The following RNF145 variants were observed in gnomAD, a reference collection of about 807,000 sequenced individuals.
RNF145 encodes the protein ring finger protein 145.
A neutral mutation model predicts 57.3 loss-of-function variants in RNF145; 12 were observed. The observed-to-expected ratio is 0.21, with a 90% CI of 0.13 to 0.34. The LOEUF (loss-of-function observed/expected upper bound fraction) is 0.34. RNF145 is among the 10% of genes least tolerant of loss of function. The pLI is 1.00. For missense variants in RNF145, 429 were observed against 799.0 expected, an observed-to-expected ratio of 0.54 and a Z score of 5.58; for synonymous variants, 262 against 288.3, an observed-to-expected ratio of 0.91 and a Z score of 0.92.
chr5:159,194,073 A>G (rs145679884), intron 3 of RNF145, among the ~76,000 whole-genome samples: 1 of 152,374 alleles, frequency 6.6e-6, no homozygotes, highest in East Asian at 1.9e-4. Flanking sequence ...ACTTAGGTAC[A>G]CAGACAATAT....
At chr5:159,174,946 A>G (rs1248077495) in intron 5 of RNF145, among the ~76,000 whole-genome samples, 4 of 152,226 alleles carry the variant, frequency 2.6e-5, no homozygotes, top group Middle Eastern at 3.2e-3. Flanking sequence ...GTCAGGGACC[A>G]GACCCTGGTG....
chr5:159,168,775 C>T, intron 8 of RNF145, 98 bp downstream of exon 8: 2 of 711,910 alleles, frequency 2.8e-6, no homozygotes, highest in Non-Finnish European at 4.2e-6. Context: ...TACCCATATC[C>T]ATTTTCTGTC....
chr5:159,189,998 C>G (rs1379442202), intron 3 of RNF145, among the ~76,000 whole-genome samples: 1 of 152,160 alleles, frequency 6.6e-6, no homozygotes, highest in African/African-American at 2.4e-5. Context: ...TGATGATGTT[C>G]TGCACAACTC....
intron 2 of RNF145, among the ~76,000 whole-genome samples, chr5:159,201,351 G>A (rs1290105182): frequency 6.6e-6 from 1 of 152,026 alleles, no homozygotes; most frequent in Non-Finnish European, 1.5e-5. Flanking sequence ...TTAGCCCCAG[G>A]TTATATTTGT....
chr5:159,188,026 T>G (rs1160770445), intron 3 of RNF145, among the ~76,000 whole-genome samples: 1 of 152,152 alleles, frequency 6.6e-6, no homozygotes, highest in Non-Finnish European at 1.5e-5. Context: ...GGGCTCTTAA[T>G]TCAAGTCACA....
At chr5:159,164,019 AAGTAAAGCATCTC>A (rs1784316599) in intron 8 of RNF145, among the ~76,000 whole-genome samples, 1 of 152,238 alleles carries the variant, frequency 6.6e-6, no homozygotes, top group Non-Finnish European at 1.5e-5. Flanking sequence ...TCTCAAATCC[AAGTAAAGCATCTC>A]AAAGAGACAC....
chr5:159,205,658 G>A (rs965482374), intron 1 of RNF145, among the ~76,000 whole-genome samples: 1 of 152,088 alleles, frequency 6.6e-6, no homozygotes, highest in Admixed American at 6.5e-5. Context: ...AAATCACCAC[G>A]TACTGAGATG....
intron 8 of RNF145, among the ~76,000 whole-genome samples, chr5:159,163,407 A>G (rs1259818036): frequency 6.6e-6 from 1 of 152,236 alleles, no homozygotes; most frequent in African/African-American, 2.4e-5. Context: ...TTCCTGGTTA[A>G]GACAGGGAGG....
At chr5:159,199,465 G>C (rs769947066) in intron 2 of RNF145, among the ~76,000 whole-genome samples, 3 of 151,842 alleles carry the variant, frequency 2.0e-5, no homozygotes, top group Non-Finnish European at 4.4e-5. Flanking sequence ...TGTAGAATTA[G>C]GACATAAATG....
rs531102970 is a variant in RNF145, at chr5:159,174,002, G to T, written c.778C>A (p.Leu260Ile). The T allele has an allele frequency of 1.2e-6, 2 of 1,606,402 alleles. No homozygotes were observed. Among genetic ancestry groups the T allele is most frequent in the African/African-American group, 2.7e-5 (2 of 74,248 alleles). ...AATTACCTTGTCAGAAAAAGGAAAAGAAGCCTCTCACGTGATGCAGGCTGA... is the reference window on the plus strand; with the variant it reads ...AATTACCTTGTCAGAAAAAGGAAAATAAGCCTCTCACGTGATGCAGGCTGA... ...RDQPASRERL[L>I]FLFLTSIAEC... is the part of the protein sequence containing the mutation. Residue 260 changes from leucine to isoleucine, a missense_variant, in exon 6 of 11, where the codon CTT (leucine) becomes ATT (isoleucine). Transcript: ENST00000424310.
chr5:159,157,782 G>A lies in RNF145; in HGVS notation c.*888C>T, dbSNP rs1470042115. 6.5e-6 allele frequency: 1 copy of A among 152,718 alleles called. No individual in the cohort carries two copies. Among genetic ancestry groups the A allele is most frequent in the Non-Finnish European group, 1.5e-5 (1 of 68,030 alleles). The allele number at this position is 152,718 out of a possible 1,614,324, so 9.5% of individuals were successfully genotyped here. A position where few individuals can be genotyped will look rare whatever the true frequency, so the allele number is the denominator to read the frequency against. The stretch of plus-strand genomic sequence containing the variant: ...GCAAATATTGCCATAATTTAACACT[G>A]TTTTGATTCAGTTGCAAGAATTAAA... On this transcript the variant is annotated 3_prime_UTR_variant, in exon 11 of 11. Coordinates refer to ENST00000424310, the MANE Select transcript of RNF145 (RefSeq NM_001199383.2).
chr5:159,188,621 T>C (rs943313572), intron 3 of RNF145, among the ~76,000 whole-genome samples: 3 of 152,208 alleles, frequency 2.0e-5, no homozygotes, highest in African/African-American at 7.2e-5. Flanking sequence ...AGGAAGAGTT[T>C]AGTAATTTTA....
At chr5:159,186,263 A>G (rs1224525552) in intron 3 of RNF145, among the ~76,000 whole-genome samples, 4 of 152,124 alleles carry the variant, frequency 2.6e-5, no homozygotes, top group African/African-American at 9.7e-5. Context: ...AGGGCCTCAG[A>G]GCTTGCAATT....
chr5:159,206,173 C>T (rs929774368), intron 1 of RNF145, among the ~76,000 whole-genome samples: 1 of 152,080 alleles, frequency 6.6e-6, no homozygotes, highest in Admixed American at 6.5e-5. Context: ...ATCCAAGATC[C>T]CCCTCTACTA....
At chr5:159,191,621 T>C (rs919591379) in intron 3 of RNF145, among the ~76,000 whole-genome samples, 2 of 152,034 alleles carry the variant, frequency 1.3e-5, no homozygotes, top group African/African-American at 4.8e-5. Context: ...TAAAACCCCA[T>C]CTCTACTAAA....
intron 5 of RNF145, among the ~76,000 whole-genome samples, chr5:159,175,862 T>A (rs185001693): frequency 1.3e-5 from 2 of 152,334 alleles, no homozygotes; most frequent in Middle Eastern, 3.4e-3. Flanking sequence ...TGGAAGACAG[T>A]GACATTTTAA....
chr5:159,168,341 T>C (rs1208885758), intron 8 of RNF145, among the ~76,000 whole-genome samples: 10 of 152,176 alleles, frequency 6.6e-5, no homozygotes. Flanking sequence ...CTATAAGTTG[T>C]CAAGAATCCT....
chr5:159,168,618 A>T (rs1410253264), intron 8 of RNF145, among the ~76,000 whole-genome samples: 1 of 152,218 alleles, frequency 6.6e-6, no homozygotes, highest in Non-Finnish European at 1.5e-5. Flanking sequence ...CTGAAGCAGA[A>T]AAAGTTAACT....
At chr5:159,189,829 C>G (rs1420022898) in intron 3 of RNF145, among the ~76,000 whole-genome samples, 1 of 152,166 alleles carries the variant, frequency 6.6e-6, no homozygotes, top group Non-Finnish European at 1.5e-5. Context: ...AAGTGAAATT[C>G]AGTGCATATA....
Sources: allele counts gnomAD v4.1 joint callset (sites outside exome capture counted in the v4.1 genomes callset), GRCh38; gene constraint gnomAD v4.1.1; transcripts MANE v1.5; gene names NCBI Gene and HGNC (gene_info 2026-07-23, HGNC 2026-07-21).